Variants in MDFIC2 observed in about 807,000 individuals in gnomAD.
MDFIC2 encodes MyoD family inhibitor domain containing 2.
At chr3:70,302,360 C>A (rs1385276268) in intron 2 of MDFIC2, among the ~76,000 whole-genome samples, 1 of 151,896 alleles carries the variant, frequency 6.6e-6, no homozygotes, top group Non-Finnish European at 1.5e-5. Context: ...AAGAAATGGG[C>A]CATAATCTTA....
At chr3:70,284,302 A>C (rs978735807) in intron 2 of MDFIC2, among the ~76,000 whole-genome samples, 1 of 152,174 alleles carries the variant, frequency 6.6e-6, no homozygotes, top group Non-Finnish European at 1.5e-5. Flanking sequence ...CTGCTCTACA[A>C]TTTTATAGAG....
intron 2 of MDFIC2, among the ~76,000 whole-genome samples, chr3:70,291,621 C>T (rs57065481): frequency 6.6e-6 from 1 of 152,122 alleles, no homozygotes; most frequent in Admixed American, 6.5e-5. Flanking sequence ...AAATGACAAA[C>T]CCCTGGCTGT....
chr3:70,281,103 C>T (rs1351533768), intron 2 of MDFIC2, among the ~76,000 whole-genome samples: 1 of 152,084 alleles, frequency 6.6e-6, no homozygotes, highest in Non-Finnish European at 1.5e-5. Flanking sequence ...TGTTAATCAG[C>T]CTTTTGTGAA....
intron 2 of MDFIC2, among the ~76,000 whole-genome samples, chr3:70,233,745 T>C (rs1273570986): frequency 6.6e-6 from 1 of 152,186 alleles, no homozygotes; most frequent in East Asian, 1.9e-4. Context: ...AATCACTCAG[T>C]TTGTACCTTT....
chr3:70,264,671 T>C, intron 2 of MDFIC2, among the ~76,000 whole-genome samples: 1 of 152,184 alleles, frequency 6.6e-6, no homozygotes, highest in Non-Finnish European at 1.5e-5. Context: ...AAAGACTCAC[T>C]TTGCTAAACA....
chr3:70,268,703 GCTT>G (rs1701947055), intron 2 of MDFIC2, among the ~76,000 whole-genome samples: 1 of 152,072 alleles, frequency 6.6e-6, no homozygotes, highest in Non-Finnish European at 1.5e-5. Context: ...ATTTTTAAGA[GCTT>G]CTTTTTAAAA....
At chr3:70,258,135 A>C (rs1330224247) in intron 2 of MDFIC2, among the ~76,000 whole-genome samples, 2 of 152,196 alleles carry the variant, frequency 1.3e-5, no homozygotes, top group Non-Finnish European at 2.9e-5. Context: ...AAAAAAATTA[A>C]TTTGAAATGG....
At chr3:70,242,329 T>C (rs1250784491) in intron 2 of MDFIC2, among the ~76,000 whole-genome samples, 1 of 152,218 alleles carries the variant, frequency 6.6e-6, no homozygotes, top group African/African-American at 2.4e-5. Flanking sequence ...CCTCTTGATC[T>C]TTTTGCAAAA....
chr3:70,220,041 A>G (rs1701448349), intron 2 of MDFIC2, among the ~76,000 whole-genome samples: 1 of 152,132 alleles, frequency 6.6e-6, no homozygotes, highest in African/African-American at 2.4e-5. Context: ...TAAAGAAAAG[A>G]TTTTTCAAGT....
intron 2 of MDFIC2, among the ~76,000 whole-genome samples, chr3:70,307,021 A>C (rs1393601758): frequency 6.6e-6 from 1 of 152,180 alleles, no homozygotes; most frequent in Non-Finnish European, 1.5e-5. Context: ...AGAGATAGAG[A>C]GAAAATCTGT....
At chr3:70,284,486 T>C (rs1702120881) in intron 2 of MDFIC2, among the ~76,000 whole-genome samples, 1 of 152,132 alleles carries the variant, frequency 6.6e-6, no homozygotes, top group South Asian at 2.1e-4. Flanking sequence ...AGCAAAGACA[T>C]GGCATCAACC....
chr3:70,232,331 C>T (rs1025247380), intron 2 of MDFIC2, among the ~76,000 whole-genome samples: 1 of 152,092 alleles, frequency 6.6e-6, no homozygotes, highest in Non-Finnish European at 1.5e-5. Flanking sequence ...TCCTCATGAT[C>T]AGTGCACATG....
At chr3:70,212,748 A>G (rs1437026543) in intron 2 of MDFIC2, among the ~76,000 whole-genome samples, 2 of 152,044 alleles carry the variant, frequency 1.3e-5, no homozygotes, top group Admixed American at 1.3e-4. Context: ...ACACACACAC[A>G]CAAGTATTAA....
intron 2 of MDFIC2, among the ~76,000 whole-genome samples, chr3:70,303,520 T>G (rs1270128849): frequency 5.9e-5 from 9 of 152,194 alleles, no homozygotes; most frequent in Admixed American, 5.9e-4. Context: ...AACCTAGATT[T>G]CCCTTCTAGA....
intron 2 of MDFIC2, among the ~76,000 whole-genome samples, chr3:70,263,560 A>G (rs1464855374): frequency 6.6e-6 from 1 of 152,146 alleles, no homozygotes; most frequent in Non-Finnish European, 1.5e-5. Flanking sequence ...ACAGATCTCT[A>G]GTAGTTGTTC....
chr3:70,284,856 T>A (rs567988890), intron 2 of MDFIC2, among the ~76,000 whole-genome samples: 1 of 152,226 alleles, frequency 6.6e-6, no homozygotes, highest in Admixed American at 6.5e-5. Context: ...GACACAAGTT[T>A]ACCTATGTAA....
At chr3:70,224,083 G>A (rs1701482320) in intron 2 of MDFIC2, among the ~76,000 whole-genome samples, 1 of 152,068 alleles carries the variant, frequency 6.6e-6, no homozygotes, top group African/African-American at 2.4e-5. Context: ...CAAACACCAG[G>A]TTAGTGTAAA....
At chr3:70,281,973 G>A (rs180844692) in intron 2 of MDFIC2, among the ~76,000 whole-genome samples, 315 of 152,304 alleles carry the variant, frequency 2.1e-3, no homozygotes, top group African/African-American at 7.3e-3. Context: ...GCCAGTCCTG[G>A]CTTAGGATGG....
At chr3:70,249,794 A>T (rs1420267718) in intron 2 of MDFIC2, 1 of 152,160 alleles carries the variant, frequency 6.6e-6, no homozygotes. Flanking sequence ...AGTTGCTAAG[A>T]TACGGTAGTT....
Sources: allele counts gnomAD v4.1 joint callset (sites outside exome capture counted in the v4.1 genomes callset), GRCh38; gene constraint gnomAD v4.1.1; transcripts MANE v1.5; gene names NCBI Gene and HGNC (gene_info 2026-07-23, HGNC 2026-07-21).